Variants in HDAC9 observed in about 807,000 individuals in gnomAD.
HDAC9 encodes histone deacetylase 9.
A neutral mutation model predicts 139.4 loss-of-function variants in HDAC9; 41 were observed. The ratio of observed to expected loss-of-function variants is 0.29; its 90% CI spans 0.23 to 0.38. The LOEUF is 0.38. Among genes scored for constraint, HDAC9 ranks in the 10% least tolerant of loss-of-function variants. The probability of loss-of-function intolerance (pLI) is 1.00; values close to 1 mark genes in which losing one functional copy is unlikely to be tolerated. For missense variants in HDAC9, 1,147 were observed against 1,297.0 expected (o/e 0.88, Z 1.78); for synonymous variants, 517 against 476.2 (o/e 1.09, Z -1.12).
intron 11 of HDAC9, among the ~76,000 whole-genome samples, chr7:18,656,914 C>T (rs1023920817): frequency 7.2e-5 from 11 of 152,058 alleles, no homozygotes; most frequent in Non-Finnish European, 7.4e-5. Flanking sequence ...CAGCGTACGA[C>T]GGTTCCCCTT....
intron 2 of HDAC9, among the ~76,000 whole-genome samples, chr7:18,231,207 A>T (rs2128183504): frequency 6.6e-6 from 1 of 152,332 alleles, no homozygotes; most frequent in East Asian, 1.9e-4. Flanking sequence ...GTCTGGCCTT[A>T]CAGTGTGCAT....
intron 21 of HDAC9, among the ~76,000 whole-genome samples, chr7:18,862,606 T>G (rs1339718958): frequency 6.6e-6 from 1 of 152,092 alleles, no homozygotes; most frequent in Non-Finnish European, 1.5e-5. Flanking sequence ...ACCTCACCTT[T>G]CCCCCTCTCC....
chr7:18,482,443 G>A (rs1563032547), intron 1 of HDAC9, among the ~76,000 whole-genome samples: 1 of 135,196 alleles, frequency 7.4e-6, no homozygotes, highest in Non-Finnish European at 1.5e-5. Context: ...ACGTCTCAGG[G>A]ATTTTTTTTA....
intron 2 of HDAC9, among the ~76,000 whole-genome samples, chr7:18,214,106 C>T (rs903382949): frequency 1.3e-5 from 2 of 152,036 alleles, no homozygotes; most frequent in Non-Finnish European, 2.9e-5. Flanking sequence ...CTCACTACAA[C>T]ATAGTATTAT....
intron 22 of HDAC9, among the ~76,000 whole-genome samples, chr7:18,912,818 T>G (rs1046878860): frequency 4.6e-5 from 7 of 152,112 alleles, no homozygotes; most frequent in Non-Finnish European, 8.8e-5. Flanking sequence ...CTCAGAAGTT[T>G]GGGTAAGACA....
At chr7:18,483,325 A>G (rs1003981159) in intron 1 of HDAC9, among the ~76,000 whole-genome samples, 2 of 152,228 alleles carry the variant, frequency 1.3e-5, no homozygotes, top group African/African-American at 2.4e-5. Flanking sequence ...GCATTGATAT[A>G]CAGACAGGAT....
At chr7:18,431,133 G>A (rs1055729454) in intron 1 of HDAC9, among the ~76,000 whole-genome samples, 1 of 152,018 alleles carries the variant, frequency 6.6e-6, no homozygotes, top group Non-Finnish European at 1.5e-5. Flanking sequence ...GCCTTGTGAT[G>A]CACCTACTGT....
intron 2 of HDAC9, among the ~76,000 whole-genome samples, chr7:18,247,373 G>T (rs559600861): frequency 6.6e-6 from 1 of 152,152 alleles, no homozygotes; most frequent in African/African-American, 2.4e-5. Context: ...ATTGAAGTAG[G>T]AGAAAAATCA....
chr7:18,531,128 C>T (rs924565221), intron 2 of HDAC9, among the ~76,000 whole-genome samples: 1 of 152,016 alleles, frequency 6.6e-6, no homozygotes, highest in Non-Finnish European at 1.5e-5. Flanking sequence ...TCTCTTTTCT[C>T]CCCTGCTTCA....
At chr7:18,217,441 A>G (rs1388679969) in intron 2 of HDAC9, among the ~76,000 whole-genome samples, 1 of 152,070 alleles carries the variant, frequency 6.6e-6, no homozygotes, top group Non-Finnish European at 1.5e-5. Flanking sequence ...CCTTAGATAT[A>G]GTTTGTTCAC....
chr7:18,907,717 AC>A lies in HDAC9; in HGVS notation c.2804-28090del, dbSNP rs200738641. Among the ~76,000 whole-genome samples, 206 of 152,280 alleles carry A rather than the reference AC, an allele frequency of 1.4e-3. 3 individuals carry two copies. In the East Asian group the frequency reaches 0.03, roughly 22 times the overall value. ...TAATTCTGGAAAGAAAACAAAACTC[AC>A]CAAAGGGCAAACTTGAGAGAGCATG... On this transcript the variant is annotated intron_variant, in intron 22 of 25. Transcript: ENST00000686413.
chr7:18,119,717 G>T (rs1010182517), intron 1 of HDAC9, among the ~76,000 whole-genome samples: 3 of 152,138 alleles, frequency 2.0e-5, no homozygotes, highest in Non-Finnish European at 2.9e-5. Context: ...ATATCTGTTG[G>T]ACTGAAAGTA....
At chr7:18,755,670 G>T (rs564586103) in intron 14 of HDAC9, among the ~76,000 whole-genome samples, 3 of 152,104 alleles carry the variant, frequency 2.0e-5, no homozygotes, top group Admixed American at 6.6e-5. Flanking sequence ...TTGCTTTCTG[G>T]TGAGGACAGT....
At chr7:18,377,617 A>G in intron 1 of HDAC9, among the ~76,000 whole-genome samples, 1 of 152,192 alleles carries the variant, frequency 6.6e-6, no homozygotes, top group Middle Eastern at 3.2e-3. Context: ...GAATGTAGCA[A>G]ATGTGTTTAA....
At chr7:18,237,164 A>G (rs1405430009) in intron 2 of HDAC9, among the ~76,000 whole-genome samples, 3 of 152,352 alleles carry the variant, frequency 2.0e-5, no homozygotes, top group Admixed American at 2.0e-4. Flanking sequence ...TTGGGGAGCC[A>G]GGGCAACTGG....
intron 1 of HDAC9, among the ~76,000 whole-genome samples, chr7:18,439,133 G>C (rs1443377229): frequency 6.6e-6 from 1 of 152,064 alleles, no homozygotes; most frequent in Non-Finnish European, 1.5e-5. Context: ...TGGTGGCTTT[G>C]AATAATGCTA....
intron 17 of HDAC9, among the ~76,000 whole-genome samples, chr7:18,820,525 C>A (rs921855253): frequency 6.6e-6 from 1 of 152,062 alleles, no homozygotes; most frequent in Non-Finnish European, 1.5e-5. Context: ...GTTGTGCTCC[C>A]AAGTCTAAAC....
At chr7:18,276,119 G>C (rs540821425) in intron 2 of HDAC9, among the ~76,000 whole-genome samples, 2 of 152,308 alleles carry the variant, frequency 1.3e-5, no homozygotes, top group East Asian at 3.9e-4. Flanking sequence ...CCATGGTTCA[G>C]TGGTAGATAC....
At chr7:18,714,523 C>T (rs891458142) in intron 12 of HDAC9, among the ~76,000 whole-genome samples, 7 of 152,118 alleles carry the variant, frequency 4.6e-5, no homozygotes, top group Non-Finnish European at 7.3e-5. Flanking sequence ...GGGCTATTCA[C>T]CCTTATGAAT....
Sources: allele counts gnomAD v4.1 joint callset (sites outside exome capture counted in the v4.1 genomes callset), GRCh38; gene constraint gnomAD v4.1.1; transcripts MANE v1.5; gene names NCBI Gene and HGNC (gene_info 2026-07-23, HGNC 2026-07-21).